BCCIP: variants seen among roughly 807,000 people sequenced by gnomAD.
BCCIP encodes BRCA2 and CDKN1A interacting protein, also known as BRCA2 and CDKN1A-interacting protein.
A neutral mutation model predicts 32.8 loss-of-function variants in BCCIP; 23 were observed. That is an observed-to-expected ratio of 0.70 (90% confidence interval 0.51 to 0.99). BCCIP has a LOEUF of 0.99. Ranked by LOEUF, BCCIP falls within the 50% of genes least tolerant of loss-of-function variation. The pLI is 0.00. For missense variants in BCCIP, 378 were observed against 379.8 expected (o/e 1.00, Z 0.04); for synonymous variants, 144 against 137.6 (o/e 1.05, Z -0.33).
downstream of BCCIP, chr10:125,839,291 C>T: frequency 3.2e-6 from 4 of 1,234,040 alleles, no homozygotes; most frequent in Non-Finnish European, 4.5e-6. Flanking sequence ...CTCTCCTCTC[C>T]TACAAAGGAG....
chr10:125,847,938 C>A (rs933884642), intron 7 of BCCIP, among the ~76,000 whole-genome samples: 16 of 152,204 alleles, frequency 1.1e-4, no homozygotes, highest in Admixed American at 2.6e-4. Flanking sequence ...GCTTGCCCCC[C>A]ACTCACCTCC....
intron 7 of BCCIP, chr10:125,852,208 G>C: frequency 4.6e-6 from 7 of 1,506,918 alleles, no homozygotes; most frequent in Non-Finnish European, 6.3e-6. Context: ...GCATTGCTGC[G>C]CATCATGTGA....
At chr10:125,834,437 CT>C (rs548607213) in intron 6 of BCCIP, among the ~76,000 whole-genome samples, 1 of 151,996 alleles carries the variant, frequency 6.6e-6, no homozygotes, top group Non-Finnish European at 1.5e-5. Context: ...CATTTTTTTC[CT>C]ATAAAGGTAG....
chr10:125,828,450 A>C (rs1407731285), intron 3 of BCCIP, among the ~76,000 whole-genome samples: 1 of 152,200 alleles, frequency 6.6e-6, no homozygotes, highest in Non-Finnish European at 1.5e-5. Context: ...TACCAAGAAT[A>C]CTTCGATGAG....
At chr10:125,836,979 C>T (rs1589700130), downstream of BCCIP, 18 of 779,302 alleles carry the variant, frequency 2.3e-5, no homozygotes, top group East Asian at 4.3e-4. Context: ...TTAATTTGAA[C>T]TCAGATAGTA....
At chr10:125,826,856 C>T (rs1321054719) in intron 2 of BCCIP, among the ~76,000 whole-genome samples, 191 bp downstream of exon 2, 1 of 151,970 alleles carries the variant, frequency 6.6e-6, no homozygotes, top group Non-Finnish European at 1.5e-5. Context: ...AAAAATTAGC[C>T]AACTGTGGTA....
chr10:125,831,448 A>T lies in BCCIP; in HGVS notation c.440A>T (p.Glu147Val). 6.2e-7 allele frequency: 1 copy of T among 1,614,050 alleles called. No individual in the cohort carries two copies. The highest frequency in any genetic ancestry group is 8.5e-7 in the Non-Finnish European group (1 of 1,179,968). The change falls in exon 5 of 7, where the codon GAG becomes GTG. Residue 147 changes from glutamate (E) to valine (V), a missense_variant. Transcript: ENST00000278100. ...ACCCAGTGTGTTGAACAAATTCAAG[A>T]GTTGGTTCTACGCTTCTGTGAGAAG... is the stretch of plus-strand genomic sequence containing the variant. ...KGTQCVEQIQ[E>V]LVLRFCEKNC...
chr10:125,852,382 A>T (rs760009209), intron 7 of BCCIP: 1 of 1,614,162 alleles, frequency 6.2e-7, no homozygotes, highest in South Asian at 1.1e-5. Context: ...GGCTTCCTGC[A>T]TTTCTGCTGG....
downstream of BCCIP, among the ~76,000 whole-genome samples, chr10:125,846,761 T>C (rs1944026976): frequency 6.6e-6 from 1 of 152,110 alleles, no homozygotes; most frequent in South Asian, 2.1e-4. Context: ...AGGGGACTGG[T>C]TCAGGGTGGG....
At chr10:125,853,274 C>A in exon 8 of BCCIP, 2 of 1,380,032 alleles carry the variant, frequency 1.4e-6, no homozygotes, top group South Asian at 2.8e-5. Flanking sequence ...GGCTCATAGT[C>A]TCCTGGAGGG....
At chr10:125,834,059 C>T in intron 6 of BCCIP, 113 bp downstream of exon 6, 1 of 1,169,988 alleles carries the variant, frequency 8.5e-7, no homozygotes, top group Non-Finnish European at 1.2e-6. Context: ...TGTGGCTACT[C>T]TGTTTTTCTG....
At chr10:125,833,336 G>C (rs1279771326) in intron 5 of BCCIP, among the ~76,000 whole-genome samples, 1 of 152,200 alleles carries the variant, frequency 6.6e-6, no homozygotes, top group Non-Finnish European at 1.5e-5. Context: ...CCAGACTCTA[G>C]CAATTAGAGA....
In BCCIP at chr10:125,829,238, C is replaced by T. The variant is rs375001976; in HGVS notation, c.322-1324C>T. Among the ~76,000 whole-genome samples the T allele has an allele frequency of 1.3e-3, 191 of 152,288 alleles. 3 individuals carry two copies. In the South Asian group the frequency reaches 0.014, roughly 11 times the overall value. ...TCTGAAAATGAGGATGGTACTAGCA[C>T]CGATCTTGTAGAGTGCATGGGTAAA... On this transcript the variant is annotated intron_variant, in intron 3 of 6. Transcript: ENST00000278100.
downstream of BCCIP, chr10:125,841,095 T>G (rs1345416530): frequency 1.4e-6 from 2 of 1,428,642 alleles, no homozygotes; most frequent in Admixed American, 2.1e-5. Flanking sequence ...GTGGCATGGC[T>G]CCTGTCTTGG....
downstream of BCCIP, chr10:125,839,340 G>T: frequency 1.3e-6 from 1 of 747,130 alleles, no homozygotes; most frequent in Non-Finnish European, 2.1e-6. Context: ...CAAGGACAAG[G>T]ATTTCTGGTG....
downstream of BCCIP, chr10:125,838,297 T>C (rs1297758732): frequency 5.0e-6 from 8 of 1,614,026 alleles, no homozygotes; most frequent in Non-Finnish European, 6.8e-6. Flanking sequence ...ATCTTCTTGG[T>C]GATTGAGTAA....
downstream of BCCIP, chr10:125,838,996 C>G (rs1478973778): frequency 6.2e-7 from 1 of 1,612,828 alleles, no homozygotes. Flanking sequence ...CCCACCCCTT[C>G]TCACCTGCAT....
At chr10:125,838,861 A>G, downstream of BCCIP, 1 of 1,016,066 alleles carries the variant, frequency 9.8e-7, no homozygotes, top group Non-Finnish European at 1.4e-6. Flanking sequence ...AGGATACTTA[A>G]GTACCAAATC....
downstream of BCCIP, among the ~76,000 whole-genome samples, chr10:125,846,743 C>T (rs1944026715): frequency 6.6e-6 from 1 of 152,196 alleles, no homozygotes; most frequent in Non-Finnish European, 1.5e-5. Context: ...ACTACTAACC[C>T]CAGTCACAGG....
Sources: allele counts gnomAD v4.1 joint callset (sites outside exome capture counted in the v4.1 genomes callset), GRCh38; gene constraint gnomAD v4.1.1; transcripts MANE v1.5; gene names NCBI Gene and HGNC (gene_info 2026-07-23, HGNC 2026-07-21).